The following FHIT variants were observed in gnomAD, a reference collection of about 807,000 sequenced individuals.
FHIT encodes fragile histidine triad diadenosine triphosphatase.
A neutral mutation model predicts 17.9 loss-of-function variants in FHIT; 19 were observed. That is an observed-to-expected ratio of 1.06 (90% CI 0.74 to 1.56). The LOEUF is 1.56. Among genes scored for constraint, FHIT ranks in the 40% most tolerant of loss-of-function variants. FHIT has a pLI of 0.00. For synonymous variants in FHIT, 81 were observed against 69.7 expected, an observed-to-expected ratio of 1.16 and a Z score of -0.81; for missense variants, 248 against 189.2, an observed-to-expected ratio of 1.31 and a Z score of -1.82.
In FHIT at chr3:60,735,580, G is replaced by A. The variant is rs565486583; in HGVS notation, c.-18+86339C>T. Among the ~76,000 whole-genome samples the A allele has an allele frequency of 7.9e-5, 12 of 152,294 alleles. No homozygotes were observed. In the South Asian group the frequency reaches 1.9e-3, roughly 24 times the overall value. ...AAGATAAAAACTTTGAGCGTCTAGCGGCCATCTAACCACTACAAAGTGAGA... is the reference window on the plus strand; with the variant it reads ...AAGATAAAAACTTTGAGCGTCTAGCAGCCATCTAACCACTACAAAGTGAGA... On this transcript the variant is annotated intron_variant, in intron 4 of 9. Coordinates refer to ENST00000492590, the MANE Select transcript of FHIT (RefSeq NM_002012.4).
At chr3:60,576,073 A>C (rs542990491) in intron 4 of FHIT, among the ~76,000 whole-genome samples, 4 of 152,228 alleles carry the variant, frequency 2.6e-5, no homozygotes, top group Admixed American at 2.0e-4. Context: ...CCCATTGAGC[A>C]AACACCAGGG....
chr3:60,342,493 AGTTT>A (rs1330874521), intron 5 of FHIT, among the ~76,000 whole-genome samples: 2 of 152,218 alleles, frequency 1.3e-5, no homozygotes, highest in South Asian at 4.1e-4. Context: ...TTAAATATAC[AGTTT>A]GTGTCTTTAA....
intron 4 of FHIT, among the ~76,000 whole-genome samples, chr3:60,604,806 C>A (rs782665207): frequency 7.2e-5 from 11 of 152,134 alleles, no homozygotes; most frequent in East Asian, 3.9e-4. Flanking sequence ...GAATAGTGGG[C>A]AAACTGAGAG....
intron 5 of FHIT, among the ~76,000 whole-genome samples, chr3:60,175,420 T>A (rs1183148047): frequency 6.6e-6 from 1 of 152,176 alleles, no homozygotes; most frequent in Non-Finnish European, 1.5e-5. Context: ...GGGTCTGAGA[T>A]AATAGCATAA....
intron 2 of FHIT, among the ~76,000 whole-genome samples, chr3:61,172,246 T>C (rs990983857): frequency 4.6e-5 from 7 of 152,140 alleles, no homozygotes; most frequent in South Asian, 2.1e-4. Flanking sequence ...AGAGCATATA[T>C]AAAGACATTA....
At position 60,182,127 on chromosome 3, in the gene FHIT, G is replaced by A. The variant is rs200329340; in HGVS notation, c.104-167975C>T. 2.0e-4 allele frequency among the ~76,000 whole-genome samples: 30 copies of A among 152,230 alleles called. 1 individual carries two copies. In the East Asian group the frequency reaches 3.9e-3, roughly 20 times the overall value. On this transcript the variant is annotated intron_variant, in intron 5 of 9. Coordinates refer to ENST00000492590, the MANE Select transcript of FHIT (RefSeq NM_002012.4). Reference sequence around the variant, plus strand: ...CATGGCACTTGTAAACTGTCCTGGCGCCAATGGGAGTGTCTTTATGCTAAT... The same window carrying A: ...CATGGCACTTGTAAACTGTCCTGGCACCAATGGGAGTGTCTTTATGCTAAT...
chr3:59,985,886 T>A (rs1238989060), intron 7 of FHIT, among the ~76,000 whole-genome samples: 1 of 151,900 alleles, frequency 6.6e-6, no homozygotes, highest in Non-Finnish European at 1.5e-5. Context: ...GAAACCTACT[T>A]GACACTTAGG....
chr3:59,927,889 G>T (rs1192292201), intron 7 of FHIT, among the ~76,000 whole-genome samples: 1 of 152,202 alleles, frequency 6.6e-6, no homozygotes, highest in East Asian at 1.9e-4. Flanking sequence ...CCTCTTCTGC[G>T]CTGTCTCTGC....
intron 2 of FHIT, chr3:61,165,861 G>C (rs1560033975): frequency 6.6e-6 from 1 of 152,004 alleles, no homozygotes; most frequent in African/African-American, 2.4e-5. Flanking sequence ...GAAGAAGAGA[G>C]AGAAAATTGG....
chr3:60,283,560 A>G (rs1707569713), intron 5 of FHIT, among the ~76,000 whole-genome samples: 1 of 152,144 alleles, frequency 6.6e-6, no homozygotes, highest in South Asian at 2.1e-4. Context: ...CAAAAAAAGA[A>G]TTGATCCACT....
At chr3:60,552,123 C>G (rs894942854) in intron 4 of FHIT, among the ~76,000 whole-genome samples, 11 of 152,104 alleles carry the variant, frequency 7.2e-5, no homozygotes, top group Admixed American at 2.6e-4. Context: ...TTTCACTTAG[C>G]ATGTGTTCAA....
At chr3:59,882,352 G>C (rs1007076152) in intron 8 of FHIT, among the ~76,000 whole-genome samples, 1 of 152,048 alleles carries the variant, frequency 6.6e-6, no homozygotes, top group African/African-American at 2.4e-5. Context: ...CAATTAGCTG[G>C]ATTAAGGAAA....
chr3:60,165,590 G>C (rs1454628339), intron 5 of FHIT, among the ~76,000 whole-genome samples: 3 of 152,012 alleles, frequency 2.0e-5, no homozygotes, highest in African/African-American at 7.2e-5. Flanking sequence ...AGCCTGTCAG[G>C]GATACAAAAT....
intron 4 of FHIT, among the ~76,000 whole-genome samples, chr3:60,608,622 G>T (rs1369069430): frequency 2.6e-5 from 4 of 151,920 alleles, no homozygotes. Context: ...GGTCAAACAG[G>T]AACTGGGCCC....
intron 5 of FHIT, among the ~76,000 whole-genome samples, chr3:60,171,114 C>G (rs1198511259): frequency 6.6e-6 from 1 of 152,110 alleles, no homozygotes; most frequent in African/African-American, 2.4e-5. Context: ...CAAAATATTT[C>G]TATCTTTTAA....
intron 7 of FHIT, among the ~76,000 whole-genome samples, chr3:59,950,322 C>G (rs1025325817): frequency 6.6e-5 from 10 of 152,198 alleles, no homozygotes; most frequent in African/African-American, 2.4e-4. Flanking sequence ...GTCCCCATCT[C>G]TTCCCTGCCC....
intron 7 of FHIT, among the ~76,000 whole-genome samples, chr3:60,008,783 CA>C (rs1310353407): frequency 6.6e-6 from 1 of 152,210 alleles, no homozygotes; most frequent in Non-Finnish European, 1.5e-5. Context: ...GTAGTATTCA[CA>C]ACTGGACAGC....
chr3:59,916,349 G>A (rs992512140), intron 8 of FHIT, among the ~76,000 whole-genome samples: 3 of 152,092 alleles, frequency 2.0e-5, no homozygotes, highest in Non-Finnish European at 2.9e-5. Context: ...AGGCTGCACC[G>A]TCAGCTTCCC....
chr3:59,796,600 A>G (rs1307369714), intron 8 of FHIT, among the ~76,000 whole-genome samples: 1 of 152,196 alleles, frequency 6.6e-6, no homozygotes, highest in Non-Finnish European at 1.5e-5. Context: ...TTCTTTGATG[A>G]GCAAATGAGA....
Sources: gnomAD v4.1 joint callset for allele counts (sites outside exome capture counted in the v4.1 genomes callset) on GRCh38, gnomAD v4.1.1 for gene constraint, MANE v1.5 for transcripts, NCBI Gene and HGNC (gene_info 2026-07-23, HGNC 2026-07-21) for gene names.